PTGIS: variants seen among roughly 807,000 people sequenced by gnomAD.
PTGIS encodes the protein prostaglandin I2 synthase, also known as prostacyclin synthase.
PTGIS carries 45 observed loss-of-function variants against 50.3 expected under a neutral mutation model. The observed-to-expected ratio is 0.90, with a 90% confidence interval of 0.70 to 1.15. The LOEUF is 1.15. Among genes scored for constraint, PTGIS ranks in the 50% most tolerant of loss-of-function variants. The pLI is 0.00. For missense variants in PTGIS, 668 were observed against 661.3 expected (o/e 1.01, Z -0.11); for synonymous variants, 260 against 267.7 (o/e 0.97, Z 0.28).
rs1405127478 is a variant in PTGIS, at chr20:49,508,069, A to G, written c.1359-5T>C. On this transcript the variant is annotated splice_polypyrimidine_tract_variant and splice_region_variant and intron_variant, in intron 9 of 9. Coordinates refer to ENST00000244043, the MANE Select transcript of PTGIS (RefSeq NM_000961.4). The stretch of plus-strand genomic sequence containing the variant: ...ACCAGCACAAGGAACACAAATCTGC[A>G]GAGAGATGGCATGGAAGGTGTGAAG... 14 of 1,613,598 alleles carry G rather than the reference A, an allele frequency of 8.7e-6. No homozygotes were observed. Among genetic ancestry groups the G allele is most frequent in the Non-Finnish European group, 1.2e-5 (14 of 1,180,042 alleles).
intron 5 of PTGIS, among the ~76,000 whole-genome samples, chr20:49,535,764 T>C (rs1028305634): frequency 2.0e-5 from 3 of 152,198 alleles, no homozygotes; most frequent in Admixed American, 2.0e-4. Flanking sequence ...GATCTACCTG[T>C]CTCAGCCTCC....
intron 5 of PTGIS, among the ~76,000 whole-genome samples, chr20:49,530,142 G>T (rs979799858): frequency 8.5e-6 from 1 of 118,062 alleles, no homozygotes; most frequent in East Asian, 2.5e-4. Context: ...AGACAAAAAC[G>T]AAACTCTGTC....
At chr20:49,545,778 A>G (rs544004788) in intron 3 of PTGIS, among the ~76,000 whole-genome samples, 3 of 152,288 alleles carry the variant, frequency 2.0e-5, no homozygotes, top group African/African-American at 7.2e-5. Flanking sequence ...AGCAACACCT[A>G]GTGGCAGCAA....
intron 1 of PTGIS, among the ~76,000 whole-genome samples, chr20:49,567,186 G>A (rs1345663409): frequency 6.6e-6 from 1 of 152,168 alleles, no homozygotes. Flanking sequence ...AATGTATTCA[G>A]CTATTCCTTA....
Position 49,560,073 on chromosome 20 carries a change from G to A in PTGIS, c.74+7970C>T, listed in dbSNP as rs1428819908. On this transcript the variant is annotated intron_variant, in intron 1 of 9. Coordinates refer to ENST00000244043, the MANE Select transcript of PTGIS (RefSeq NM_000961.4). ...CGAGTAGCTGGGATTACAGGCACCC[G>A]CCACCACGCCCGGCCAATTTTTTGT... Among the ~76,000 whole-genome samples, 4 of 151,778 alleles carry A rather than the reference G, an allele frequency of 2.6e-5. 1 individual carries two copies. Among genetic ancestry groups the A allele is most frequent in the East Asian group, 3.9e-4 (2 of 5,162 alleles).
At chr20:49,554,694 CAG>C (rs1448982862) in intron 1 of PTGIS, among the ~76,000 whole-genome samples, 2 of 152,108 alleles carry the variant, frequency 1.3e-5, no homozygotes, top group Admixed American at 6.6e-5. Context: ...TAAATTAGTT[CAG>C]AGTTTCTCTA....
At position 49,507,973 on chromosome 20, in the gene PTGIS, C is replaced by A. The variant is rs780259112; in HGVS notation, c.1450G>T (p.Gly484Cys). ...PEFDLSRYGFGLMQPEHDVPV... is the reference protein window; with the variant it reads ...PEFDLSRYGFCLMQPEHDVPV... ...ACGTCGTGTTCCGGCTGCATCAGAC[C>A]GAAGCCGTACCTGCTGAGGTCAAAC... The change falls in exon 10 of 10, where the codon GGT (glycine) becomes TGT (cysteine). Residue 484 changes from glycine (G) to cysteine (C), a missense_variant. By Grantham distance (159) the Gly-to-Cys change is radical. Coordinates refer to ENST00000244043, the MANE Select transcript of PTGIS (RefSeq NM_000961.4). 6.2e-7 allele frequency: 1 copy of A among 1,613,730 alleles called. No individual in the cohort carries two copies. The highest frequency in any genetic ancestry group is 8.5e-7 in the Non-Finnish European group (1 of 1,180,032).
intron 1 of PTGIS, 38 bp downstream of exon 1, chr20:49,568,005 C>T (rs776467446): frequency 6.8e-7 from 1 of 1,464,720 alleles, no homozygotes; most frequent in South Asian, 1.3e-5. Context: ...GGAGCCGCCC[C>T]CTTTGTCTGG....
intron 6 of PTGIS, 136 bp downstream of exon 6, chr20:49,523,922 C>T (rs1462339233): frequency 1.8e-6 from 2 of 1,119,706 alleles, no homozygotes; most frequent in Admixed American, 4.0e-5. Flanking sequence ...CACAAATGCA[C>T]ACCTACATAC....
At chr20:49,513,008 G>T in intron 8 of PTGIS, 72 bp downstream of exon 8, 6 of 1,571,480 alleles carry the variant, frequency 3.8e-6, no homozygotes, top group Non-Finnish European at 5.2e-6. Context: ...CTGCCACTCA[G>T]ATCTGGCTCA....
intron 7 of PTGIS, 23 bp downstream of exon 7, chr20:49,514,203 TC>T: frequency 6.2e-7 from 1 of 1,612,334 alleles, no homozygotes; most frequent in South Asian, 1.1e-5. Context: ...TTAGGGGCTA[TC>T]TTGGAGGGTC....
chr20:49,526,797 G>A (rs1413411887), intron 5 of PTGIS, among the ~76,000 whole-genome samples: 1 of 152,168 alleles, frequency 6.6e-6, no homozygotes, highest in Non-Finnish European at 1.5e-5. Context: ...ACAACCATGA[G>A]GATGGCTACT....
At position 49,513,817 on chromosome 20, in the gene PTGIS, G is replaced by A. The variant is rs13306028; in HGVS notation, c.1024+410C>T. The stretch of plus-strand genomic sequence containing the variant: ...TGTAAGAGATTCAGAGTCTCACAGA[G>A]CCAGGAGGAAGTCAGCCTTGAGCTG... On this transcript the variant is annotated intron_variant, in intron 7 of 9. Coordinates refer to ENST00000244043, the MANE Select transcript of PTGIS (RefSeq NM_000961.4). Among the ~76,000 whole-genome samples, 56 of 152,292 alleles carry A rather than the reference G, an allele frequency of 3.7e-4. 2 individuals are homozygous for A. In the East Asian group the frequency reaches 0.01, roughly 28 times the overall value.
At chr20:49,547,804 C>A in intron 3 of PTGIS, 37 bp downstream of exon 3, 1 of 1,610,976 alleles carries the variant, frequency 6.2e-7, no homozygotes, top group Admixed American at 1.7e-5. Flanking sequence ...AGTCGCCCAC[C>A]CTGGCCCTCC....
In PTGIS at chr20:49,547,929, G is replaced by T. The variant is rs762836976; in HGVS notation, c.289C>A (p.His97Asn). The change falls in exon 3 of 10, where the codon CAT (histidine) becomes AAT (asparagine). Residue 97 changes from histidine to asparagine, a missense_variant. Transcript: ENST00000244043. ...VWEPRTRLDF[H>N]AYAIFLMERI... ...TCCATGAGGAAGATGGCATAGGCATGGAAGTCGAGCCTGGTGCGAGGCTCC... is the reference window on the plus strand; with the variant it reads ...TCCATGAGGAAGATGGCATAGGCATTGAAGTCGAGCCTGGTGCGAGGCTCC... 1 of 1,614,048 alleles carries T rather than the reference G, an allele frequency of 6.2e-7. No individual in the cohort carries two copies.
intron 6 of PTGIS, 104 bp downstream of exon 6, chr20:49,523,954 C>A: frequency 7.3e-7 from 1 of 1,367,270 alleles, no homozygotes. Flanking sequence ...CAGGCATAGT[C>A]ATGTGCACAC....
intron 5 of PTGIS, among the ~76,000 whole-genome samples, chr20:49,536,941 A>G (rs1982091993): frequency 6.6e-6 from 1 of 152,166 alleles, no homozygotes; most frequent in African/African-American, 2.4e-5. Context: ...GTCAGAGCCC[A>G]GACTCTGTCT....
rs183598041 is a variant in PTGIS, at chr20:49,547,673, T to C, written c.377+168A>G. ...AGAGATGAGAGACAAAGAGTTCTTC[T>C]TCCACCCAATTCTTTTGGGTTGTTT... On this transcript the variant is annotated intron_variant, in intron 3 of 9. Transcript: ENST00000244043. Among the ~76,000 whole-genome samples, 9 of 152,324 alleles carry C rather than the reference T, an allele frequency of 5.9e-5. No homozygotes were observed. The East Asian group carries it at 1.7e-3, about 29-fold the overall frequency.
rs1349597385 is a variant in PTGIS, at chr20:49,506,955, A to C, written c.*965T>G. 1 of 152,216 alleles carries C rather than the reference A, an allele frequency of 6.6e-6. No homozygotes were observed. Among genetic ancestry groups the C allele is most frequent in the Non-Finnish European group, 1.5e-5 (1 of 68,044 alleles). The allele number at this position is 152,216 out of a possible 1,614,324, so 9.4% of individuals were successfully genotyped here. A position where few individuals can be genotyped will look rare whatever the true frequency, so the allele number is the denominator to read the frequency against. On this transcript the variant is annotated 3_prime_UTR_variant, in exon 10 of 10. Coordinates refer to ENST00000244043, the MANE Select transcript of PTGIS (RefSeq NM_000961.4). ...ATGTGAGCCCAGTGTGGCCAGATAT[A>C]CCAAGTTTTCAAGAGAAGCTGGACA...
Sources: gnomAD v4.1 joint callset for allele counts (sites outside exome capture counted in the v4.1 genomes callset) on GRCh38, gnomAD v4.1.1 for gene constraint, MANE v1.5 for transcripts, NCBI Gene and HGNC (gene_info 2026-07-23, HGNC 2026-07-21) for gene names.